The following DUOX2 variants were observed in gnomAD, a reference collection of about 807,000 sequenced individuals.
The protein encoded by DUOX2 is NADH/NADPH thyroid oxidase p138-tox.
In DUOX2, 185 loss-of-function variants were observed where a neutral mutation model predicts 183.3. The ratio of observed to expected loss-of-function variants is 1.01; its 90% CI spans 0.90 to 1.14. DUOX2 has a LOEUF of 1.14. Among genes scored for constraint, DUOX2 ranks in the 50% most tolerant of loss-of-function variants. DUOX2 has a pLI of 0.00. For missense variants in DUOX2, 1,999 were observed against 2,022.9 expected (o/e 0.99, Z 0.23); for synonymous variants, 788 against 812.4 (o/e 0.97, Z 0.51).
intron 26 of DUOX2, 130 bp downstream of exon 26, chr15:45,099,253 G>A (rs993665039): frequency 8.0e-5 from 57 of 713,764 alleles, no homozygotes; most frequent in African/African-American, 4.1e-4. Context: ...CTCGTGATCC[G>A]CCCACCTCGG....
intron 33 of DUOX2, 99 bp downstream of exon 33, chr15:45,094,464 G>A (rs761172114): frequency 1.0e-4 from 160 of 1,538,216 alleles, no homozygotes; most frequent in Non-Finnish European, 1.3e-4. Context: ...GCAATCGGGT[G>A]GAGTTCTCTG....
At chr15:45,101,558 G>A (rs535428463) in intron 21 of DUOX2, 14 of 627,648 alleles carry the variant, frequency 2.2e-5, no homozygotes, top group East Asian at 5.5e-5. Context: ...GAGCAATGCC[G>A]GTGGCTTTGA....
intron 20 of DUOX2, among the ~76,000 whole-genome samples, chr15:45,102,723 T>C (rs56838826): frequency 0.093 from 14,111 of 152,230 alleles, 754 homozygotes; most frequent in African/African-American, 0.15. Flanking sequence ...GGCTCACGCC[T>C]GTAACCCTAG....
At position 45,112,541 on chromosome 15, in the gene DUOX2, C is replaced by T. The variant is rs201514147; in HGVS notation, c.325+13G>A. The T allele has an allele frequency of 3.1e-6, 5 of 1,612,482 alleles. No homozygotes were observed. The South Asian group carries it at 5.5e-5, about 18-fold the overall frequency. ...GCCAGATCAACCCCACTGGTCTCCC[C>T]CTTTGCCCTCACCAAAGAAGACCCC... On this transcript the variant is annotated intron_variant, in intron 4 of 33. Coordinates refer to ENST00000389039, the MANE Select transcript of DUOX2 (RefSeq NM_001363711.2).
At chr15:45,098,113 T>C (rs1427202332) in intron 26 of DUOX2, 55 bp from the exon 27 acceptor site, 2 of 1,518,560 alleles carry the variant, frequency 1.3e-6, no homozygotes, top group African/African-American at 2.7e-5. Context: ...GCTCCAGCAC[T>C]GTCACAACAC....
intron 17 of DUOX2, 66 bp from the exon 18 acceptor site, chr15:45,105,894 A>G: frequency 6.3e-7 from 1 of 1,597,074 alleles, no homozygotes; most frequent in Non-Finnish European, 8.6e-7. Flanking sequence ...GCCTCCCCTC[A>G]ATGGATCTTG....
rs752093078 is a variant in DUOX2, at chr15:45,101,262, A to G, written c.2864T>C (p.Ile955Thr). ...GGGGGNGIRD[I>T]FKQNISCRVS... ...TCGACAGCTGATGTTTTGTTTAAAG[A>G]TATCTCTAATACCTAGAGAAAAGAA... Residue 955 changes from isoleucine to threonine, a missense_variant, in exon 22 of 34, where the codon ATC becomes ACC. Ile to Thr is a moderately conservative substitution (Grantham distance 89, BLOSUM62 -1). Around this residue, in one of 3 missense-constraint regions of DUOX2, gnomAD observed 1,628 missense variants for 1,608.6 expected, o/e 1.01. Coordinates refer to ENST00000389039, the MANE Select transcript of DUOX2 (RefSeq NM_001363711.2). The G allele has an allele frequency of 6.2e-6, 10 of 1,613,222 alleles. No homozygotes were observed. In the East Asian group the frequency reaches 1.1e-4, roughly 18 times the overall value.
chr15:45,098,312 G>T (rs1375717901), intron 26 of DUOX2, among the ~76,000 whole-genome samples: 1 of 152,078 alleles, frequency 6.6e-6, no homozygotes, highest in Non-Finnish European at 1.5e-5. Context: ...TGAGTCCCTG[G>T]TTCATTATTC....
At chr15:45,112,455 C>CTCCTGT (rs1003547773) in intron 4 of DUOX2, 99 bp downstream of exon 4, 1 of 1,479,724 alleles carries the variant, frequency 6.8e-7, no homozygotes, top group Non-Finnish European at 9.2e-7. Flanking sequence ...GGTTGGGAGT[C>CTCCTGT]GGATGGGTCT....
At chr15:45,108,485 C>T (rs1375665930) in intron 12 of DUOX2, 1 of 598,262 alleles carries the variant, frequency 1.7e-6, no homozygotes, top group African/African-American at 1.9e-5. Context: ...TGATTAGCAG[C>T]TTCAGGGGCA....
rs1011949635 is a variant in DUOX2 at position 45,105,984 on chromosome 15, T to C, written c.2148+141A>G. On this transcript the variant is annotated intron_variant, in intron 17 of 33. Coordinates refer to ENST00000389039, the MANE Select transcript of DUOX2 (RefSeq NM_001363711.2). ...TGTGGACGAAGGGGGTCAGGTTGTGTCTGGGGGCCTCTGAAAGGAGCCCCT... is the reference window on the plus strand; with the variant it reads ...TGTGGACGAAGGGGGTCAGGTTGTGCCTGGGGGCCTCTGAAAGGAGCCCCT... The C allele has an allele frequency of 5.6e-5, 76 of 1,356,356 alleles. No individual in the cohort carries two copies. The East Asian group carries it at 1.5e-3, about 27-fold the overall frequency. 84.0% of individuals were successfully genotyped at this position (1,356,356 alleles called of 1,614,324 possible).
chr15:45,095,455 G>T lies in DUOX2; in HGVS notation c.4221C>A (p.Ser1407Arg). 6.2e-7 allele frequency: 1 copy of T among 1,614,216 alleles called. No homozygotes were observed. The highest frequency in any genetic ancestry group is 8.5e-7 in the Non-Finnish European group (1 of 1,180,044). ...TGCTCACCTTCTTACACAGCATTTGGCTGCCCAAGGATGACTTGAAGACCA... is the reference window on the plus strand; with the variant it reads ...TGCTCACCTTCTTACACAGCATTTGTCTGCCCAAGGATGACTTGAAGACCA... Reference protein sequence around the residue: ...KDLVFKSSLGSQMLCKKIYFI... With the variant: ...KDLVFKSSLGRQMLCKKIYFI... Residue 1407 changes from serine to arginine, a missense_variant, in exon 31 of 34, where the codon AGC becomes AGA. This residue lies in a region of DUOX2 where 1,628 missense variants were observed against 1,608.6 expected (regional missense o/e 1.01). Coordinates refer to ENST00000389039, the MANE Select transcript of DUOX2 (RefSeq NM_001363711.2).
intron 4 of DUOX2, 137 bp from the exon 5 acceptor site, chr15:45,112,092 GC>G: frequency 2.0e-6 from 2 of 991,574 alleles, no homozygotes; most frequent in Non-Finnish European, 3.0e-6. Context: ...CTGCACGTTA[GC>G]CCCAGGTAGC....
Position 45,113,234 on chromosome 15 carries a change from C to T in DUOX2, c.70+108G>A, listed in dbSNP as rs868138858. The T allele has an allele frequency of 9.6e-6, 14 of 1,462,132 alleles. 1 individual carries two copies. In the Middle Eastern group the frequency reaches 2.2e-3, roughly 228 times the overall value. 90.6% of individuals were successfully genotyped at this position (1,462,132 alleles called of 1,614,324 possible). On this transcript the variant is annotated intron_variant, in intron 2 of 33. Coordinates refer to ENST00000389039, the MANE Select transcript of DUOX2 (RefSeq NM_001363711.2). The stretch of plus-strand genomic sequence containing the variant: ...AAGTTTCCCATCCCGCTGAGCTGCA[C>T]GGCGAAATGACCTTCCAGTCTCAGG...
At position 45,097,616 on chromosome 15, in the gene DUOX2, G is replaced by A. The variant is rs1432168410; in HGVS notation, c.3691C>T (p.Leu1231=). Residue 1231 remains leucine, a splice_region_variant and synonymous_variant, in exon 28 of 34, where the codon CTG becomes TTG. Transcript: ENST00000389039. ...THHLYILLYA[L]LIIHGSYALI... is the part of the protein sequence containing the mutation. The stretch of plus-strand genomic sequence containing the variant: ...GCTGGCCCAGGGAAGTCCCTCACCA[G>A]GGCATAGAGCAGGATGTAGAGGTGG... 7 of 1,614,098 alleles carry A rather than the reference G, an allele frequency of 4.3e-6. No homozygotes were observed. Among genetic ancestry groups the A allele is most frequent in the Non-Finnish European group, 5.9e-6 (7 of 1,180,052 alleles).
intron 9 of DUOX2, 54 bp downstream of exon 9, chr15:45,110,374 C>T (rs1894346788): frequency 4.6e-6 from 7 of 1,535,830 alleles, no homozygotes; most frequent in Non-Finnish European, 5.3e-6. Flanking sequence ...CCCAAGGCAG[C>T]TCATTCTGCA....
In DUOX2 at chr15:45,110,808, A is replaced by G. The variant is rs574909860; in HGVS notation, c.883-98T>C. On this transcript the variant is annotated intron_variant, in intron 7 of 33. Coordinates refer to ENST00000389039, the MANE Select transcript of DUOX2 (RefSeq NM_001363711.2). ...ACGGCTTCCGTGTGGAGATGAGACC[A>G]GGAAGGGTCAATCATGGGAGAAGCA... 3.2e-6 allele frequency: 5 copies of G among 1,577,128 alleles called. No individual in the cohort carries two copies. The African/African-American group carries it at 6.7e-5, about 21-fold the overall frequency.
chr15:45,094,641 C>T lies in DUOX2; in HGVS notation c.4446G>A (p.Thr1482=), dbSNP rs774714033. 1.1e-5 allele frequency: 18 copies of T among 1,613,940 alleles called. No homozygotes were observed. The highest frequency in any genetic ancestry group is 3.3e-4 in the Middle Eastern group (2 of 6,084). ...CAAAGTGGGTGATGGAGCGCAGGCC[C>T]GTGAACAGACTCCGGTTCAGCACTT... ...FQKVLNRSLF[T]GLRSITHFGR... The change falls in exon 33 of 34, where the codon ACG becomes ACA. Residue 1482 remains threonine, a synonymous_variant. Transcript: ENST00000389039.
chr15:45,107,787 G>A (rs1296793256), intron 13 of DUOX2, among the ~76,000 whole-genome samples: 4 of 148,996 alleles, frequency 2.7e-5, no homozygotes, highest in Non-Finnish European at 5.9e-5. Context: ...GGAGGTAGAG[G>A]GTGCATTGAG....
Sources: allele counts gnomAD v4.1 joint callset (sites outside exome capture counted in the v4.1 genomes callset), GRCh38; gene constraint gnomAD v4.1.1; regional missense constraint gnomAD v4.1.1; transcripts MANE v1.5; gene names NCBI Gene and HGNC (gene_info 2026-07-23, HGNC 2026-07-21).